Variants in CCDC158 observed in about 807,000 individuals in gnomAD.
CCDC158 encodes coiled-coil domain containing 158, also known as coiled-coil domain-containing protein 158.
CCDC158 carries 116 observed loss-of-function variants against 138.6 expected under a neutral mutation model. The observed-to-expected ratio is 0.84, with a 90% CI of 0.72 to 0.98. The LOEUF (loss-of-function observed/expected upper bound fraction) is 0.98, where lower values mean the gene tolerates loss of function less well. Ranked by LOEUF, CCDC158 falls within the 50% of genes least tolerant of loss-of-function variation. The pLI, the probability that CCDC158 is intolerant of heterozygous loss-of-function variation, is 0.00. For synonymous variants in CCDC158, 436 were observed against 442.4 expected, an observed-to-expected ratio of 0.99 and a Z score of 0.18; for missense variants, 1,265 against 1,306.1, an observed-to-expected ratio of 0.97 and a Z score of 0.48.
At chr4:76,313,841 C>A (rs1002421567) in intron 24 of CCDC158, among the ~76,000 whole-genome samples, 2 of 152,114 alleles carry the variant, frequency 1.3e-5, no homozygotes, top group African/African-American at 4.8e-5. Context: ...TCTGTAGCTT[C>A]TTTTTCATAT....
chr4:76,395,839 A>G (rs1041404666), intron 4 of CCDC158, among the ~76,000 whole-genome samples: 2 of 152,196 alleles, frequency 1.3e-5, no homozygotes, highest in African/African-American at 4.8e-5. Context: ...TTTAGCAAAT[A>G]ACTTCTAGAT....
intron 18 of CCDC158, among the ~76,000 whole-genome samples, chr4:76,342,724 C>T (rs962868221): frequency 6.6e-6 from 1 of 152,080 alleles, no homozygotes; most frequent in Admixed American, 6.5e-5. Flanking sequence ...ATTAGTAATG[C>T]TAACAAAATT....
At chr4:76,327,969 T>A (rs1720676457) in intron 22 of CCDC158, among the ~76,000 whole-genome samples, 1 of 152,176 alleles carries the variant, frequency 6.6e-6, no homozygotes, top group African/African-American at 2.4e-5. Flanking sequence ...TCCTTATTTT[T>A]AAAAATTCCT....
chr4:76,384,291 G>A lies in CCDC158; in HGVS notation c.523C>T (p.Leu175=). ...TCATGACTAAGCATCATTTTTCGTA[G>A]TTGCTCTATCTGTGTGTTGCTGTCT... ...LKDSNTQIEQ[L]RKMMLSHEGV... is the part of the protein sequence containing the mutation. The change falls in exon 6 of 25, where the codon CTA becomes TTA. Residue 175 remains leucine, a synonymous_variant. Transcript: ENST00000682701. 1 of 1,614,072 alleles carries A rather than the reference G, an allele frequency of 6.2e-7. No individual in the cohort carries two copies.
chr4:76,403,372 T>TTAGTAA, intron 2 of CCDC158, 92 bp from the exon 3 acceptor site: 1 of 452,988 alleles, frequency 2.2e-6, no homozygotes, highest in Middle Eastern at 5.6e-4. Flanking sequence ...ACATTGAAAT[T>TTAGTAA]TAGTAATAAT....
intron 18 of CCDC158, among the ~76,000 whole-genome samples, chr4:76,339,361 A>G (rs1721838688): frequency 6.6e-6 from 1 of 152,210 alleles, no homozygotes; most frequent in African/African-American, 2.4e-5. Context: ...GCTGCAGTTC[A>G]AAAGGTGACA....
chr4:76,399,905 G>A (rs1728188424), intron 3 of CCDC158, among the ~76,000 whole-genome samples: 1 of 152,126 alleles, frequency 6.6e-6, no homozygotes, highest in South Asian at 2.1e-4. Flanking sequence ...CATGGGTAGT[G>A]AATTAAGAAG....
chr4:76,391,454 G>A (rs575892836), intron 4 of CCDC158, among the ~76,000 whole-genome samples: 19 of 151,696 alleles, frequency 1.3e-4, no homozygotes, highest in Admixed American at 2.0e-4. Flanking sequence ...AAATTAAGAA[G>A]GACATTTAAA....
intron 2 of CCDC158, among the ~76,000 whole-genome samples, chr4:76,406,198 C>T (rs1728811290): frequency 1.3e-5 from 2 of 152,148 alleles, no homozygotes; most frequent in African/African-American, 4.8e-5. Flanking sequence ...GGTTAAAATC[C>T]TAATACCAGA....
intron 24 of CCDC158, among the ~76,000 whole-genome samples, chr4:76,317,236 C>T (rs1293932506): frequency 1.3e-5 from 2 of 152,060 alleles, no homozygotes; most frequent in Non-Finnish European, 2.9e-5. Flanking sequence ...CTTCAAGAGA[C>T]TCACCTAATG....
In CCDC158 at chr4:76,362,133, A is replaced by G. The variant is rs1192202494; in HGVS notation, c.2013T>C (p.Asn671=). The change falls in exon 13 of 25, where the codon AAT becomes AAC. Residue 671 remains asparagine (N), a synonymous_variant. Coordinates refer to ENST00000682701, the MANE Select transcript of CCDC158 (RefSeq NM_001394954.1). ...TGTGCTGAAGCAACATACCTGAAAG[A>G]TTGTTTAATTCACTCCTACTTGTTT... ...EVKTSRSELN[N]LSEEYEVLKR... The G allele has an allele frequency of 6.2e-7, 1 of 1,613,146 alleles. No individual in the cohort carries two copies. The highest frequency in any genetic ancestry group is 1.1e-5 in the South Asian group (1 of 90,940).
chr4:76,369,775 T>C (rs1725064578), intron 10 of CCDC158, 152 bp from the exon 11 acceptor site: 2 of 675,924 alleles, frequency 3.0e-6, no homozygotes, highest in Admixed American at 6.0e-5. Context: ...AGAGCAATTA[T>C]TTCCAAGAAA....
At chr4:76,318,049 A>G (rs1719575056) in intron 24 of CCDC158, among the ~76,000 whole-genome samples, 1 of 152,202 alleles carries the variant, frequency 6.6e-6, no homozygotes, top group African/African-American at 2.4e-5. Flanking sequence ...TGCCTACATA[A>G]ACAAGTCTGA....
intron 4 of CCDC158, among the ~76,000 whole-genome samples, chr4:76,388,924 T>C (rs959776296): frequency 6.6e-6 from 1 of 152,104 alleles, no homozygotes; most frequent in African/African-American, 2.4e-5. Context: ...TCCCTATGAG[T>C]CTGCAAAAAC....
At chr4:76,352,103 A>G in intron 16 of CCDC158, 1 of 214,736 alleles carries the variant, frequency 4.7e-6, no homozygotes. Context: ...ATAAAAATTT[A>G]TATTAAAATA....
chr4:76,361,396 A>T (rs1040679982), intron 13 of CCDC158, among the ~76,000 whole-genome samples: 10 of 152,000 alleles, frequency 6.6e-5, no homozygotes, highest in Non-Finnish European at 1.2e-4. Flanking sequence ...CCCTATCTCT[A>T]CTAAAAATAC....
chr4:76,329,198 A>G (rs547461643), intron 21 of CCDC158, among the ~76,000 whole-genome samples: 1 of 152,222 alleles, frequency 6.6e-6, no homozygotes, highest in Non-Finnish European at 1.5e-5. Flanking sequence ...TATAATCTTC[A>G]TTAGAAAATC....
chr4:76,417,944 G>A (rs944494904), intron 1 of CCDC158, among the ~76,000 whole-genome samples: 1 of 152,164 alleles, frequency 6.6e-6, no homozygotes, highest in East Asian at 1.9e-4. Flanking sequence ...TTCTAATGGA[G>A]GCCAACTATG....
intron 2 of CCDC158, among the ~76,000 whole-genome samples, chr4:76,406,734 T>C (rs1035117109): frequency 6.6e-6 from 1 of 152,152 alleles, no homozygotes; most frequent in Non-Finnish European, 1.5e-5. Flanking sequence ...AAACAACTCT[T>C]GTGTGATAAG....
Sources: gnomAD v4.1 joint callset for allele counts (sites outside exome capture counted in the v4.1 genomes callset) on GRCh38, gnomAD v4.1.1 for gene constraint, MANE v1.5 for transcripts, NCBI Gene and HGNC (gene_info 2026-07-23, HGNC 2026-07-21) for gene names.